The following FER variants were observed in gnomAD, a reference collection of about 807,000 sequenced individuals.
FER encodes the protein FER tyrosine kinase.
Under a neutral mutation model 111.0 loss-of-function variants are expected in FER, and 63 were observed. That is an observed-to-expected ratio of 0.57 (90% CI 0.46 to 0.70). The LOEUF (loss-of-function observed/expected upper bound fraction) is 0.70. FER is among the 30% of genes least tolerant of loss of function. The pLI, the probability that FER is intolerant of heterozygous loss-of-function variation, is 0.00. For missense variants in FER, 914 were observed against 954.0 expected (o/e 0.96, Z 0.55); for synonymous variants, 327 against 313.9 (o/e 1.04, Z -0.44).
At chr5:108,771,396 A>G (rs149588080) in intron 2 of FER, among the ~76,000 whole-genome samples, 1 of 152,208 alleles carries the variant, frequency 6.6e-6, no homozygotes, top group East Asian at 1.9e-4. Flanking sequence ...GCTGAGAGGT[A>G]GTAGTAGAAT....
chr5:108,779,458 T>C (rs1199633152), intron 2 of FER, among the ~76,000 whole-genome samples: 2 of 152,352 alleles, frequency 1.3e-5, no homozygotes, highest in East Asian at 3.9e-4. Flanking sequence ...AGTTCTTTGA[T>C]TTCTTTAATC....
intron 17 of FER, among the ~76,000 whole-genome samples, chr5:109,117,648 T>C (rs1231504701): frequency 6.6e-6 from 1 of 151,992 alleles, no homozygotes; most frequent in Non-Finnish European, 1.5e-5. Flanking sequence ...GAGCATGGAA[T>C]GTTCTTCCAT....
At chr5:108,899,145 A>C (rs998575482) in intron 10 of FER, among the ~76,000 whole-genome samples, 15 of 152,036 alleles carry the variant, frequency 9.9e-5, no homozygotes, top group Non-Finnish European at 1.5e-4. Flanking sequence ...ATGAATATGA[A>C]GTATTTAAAC....
chr5:108,773,381 G>T (rs1404730071), intron 2 of FER, among the ~76,000 whole-genome samples: 1 of 151,988 alleles, frequency 6.6e-6, no homozygotes, highest in Non-Finnish European at 1.5e-5. Context: ...AGTGGGTATT[G>T]TTCCCCTCCC....
At chr5:109,126,001 A>G (rs11951652) in intron 17 of FER, among the ~76,000 whole-genome samples, 1,586 of 151,556 alleles carry the variant, frequency 0.01, 23 homozygotes, top group African/African-American at 0.037. Context: ...CTTCATATCT[A>G]TAGCTGTTTT....
At chr5:109,154,860 A>G (rs1755199752) in intron 17 of FER, among the ~76,000 whole-genome samples, 2 of 151,890 alleles carry the variant, frequency 1.3e-5, no homozygotes, top group Admixed American at 1.3e-4. Flanking sequence ...GACATACGCT[A>G]TAATAACAAA....
intron 13 of FER, among the ~76,000 whole-genome samples, chr5:108,996,725 G>T (rs1230230380): frequency 1.3e-5 from 2 of 152,124 alleles, no homozygotes; most frequent in Non-Finnish European, 1.5e-5. Context: ...TTTTTGCTAG[G>T]ATTGTCTTGG....
At chr5:108,947,718 T>C (rs1005092438) in intron 11 of FER, among the ~76,000 whole-genome samples, 1 of 151,904 alleles carries the variant, frequency 6.6e-6, no homozygotes, top group African/African-American at 2.4e-5. Flanking sequence ...CTTGACTGTG[T>C]GTGCTTTTGG....
chr5:109,072,832 C>G (rs947336832), intron 16 of FER, among the ~76,000 whole-genome samples: 16 of 152,090 alleles, frequency 1.1e-4, no homozygotes, highest in Non-Finnish European at 1.8e-4. Context: ...GCCATGCTCC[C>G]TCCAAAAGCT....
At position 109,181,195 on chromosome 5, in the gene FER, CGTT is replaced by C. The variant is rs944194858; in HGVS notation, c.2203+300_2203+302del. ...TTTGTAATAGATTATACAGAGTAAG[CGTT>C]GTTGTGGCTCTGGACCATTTCTTTC... On this transcript the variant is annotated intron_variant, in intron 18 of 19. Transcript: ENST00000281092. Among the ~76,000 whole-genome samples, 4 of 152,182 alleles carry C rather than the reference CGTT, an allele frequency of 2.6e-5. No individual in the cohort carries two copies. In the East Asian group the frequency reaches 7.7e-4, roughly 29 times the overall value.
intron 5 of FER, among the ~76,000 whole-genome samples, chr5:108,844,996 G>GTATATATATACATATATATATATATATA (rs1761757032): frequency 1.4e-4 from 4 of 29,270 alleles, no homozygotes; most frequent in Non-Finnish European, 2.1e-4. Context: ...GTGTGTGTGT[G>GTATATATATACATATATATATATATATA]TATATATATA....
chr5:108,808,016 A>C (rs1247460459), intron 3 of FER, among the ~76,000 whole-genome samples: 1 of 146,620 alleles, frequency 6.8e-6, no homozygotes, highest in African/African-American at 2.5e-5. Context: ...TTTTTAATTT[A>C]CTGGGACTTG....
chr5:108,795,669 C>T (rs1301777583), intron 2 of FER, among the ~76,000 whole-genome samples: 3 of 152,040 alleles, frequency 2.0e-5, no homozygotes, highest in Non-Finnish European at 4.4e-5. Context: ...TTCTTCAGTG[C>T]GTCAGTTGCA....
intron 2 of FER, among the ~76,000 whole-genome samples, chr5:108,775,060 A>T (rs1342693609): frequency 6.6e-6 from 1 of 151,952 alleles, no homozygotes; most frequent in African/African-American, 2.4e-5. Flanking sequence ...ATCTGAGTTA[A>T]TTTTTTTGTA....
intron 10 of FER, among the ~76,000 whole-genome samples, chr5:108,931,034 CT>C (rs959989008): frequency 2.0e-5 from 3 of 152,080 alleles, no homozygotes; most frequent in African/African-American, 7.2e-5. Context: ...TGAGTAAGAA[CT>C]TTTTATTATT....
chr5:108,778,189 T>C (rs1264271480), intron 2 of FER, among the ~76,000 whole-genome samples: 1 of 152,202 alleles, frequency 6.6e-6, no homozygotes, highest in Non-Finnish European at 1.5e-5. Context: ...ACAGTTCATC[T>C]ATTCACCTAC....
At position 109,120,184 on chromosome 5, in the gene FER, A is replaced by G. The variant is rs370695670; in HGVS notation, c.2048+19665A>G. 3.8e-3 allele frequency among the ~76,000 whole-genome samples: 578 copies of G among 152,118 alleles called. 2 individuals are homozygous for G. The highest frequency in any genetic ancestry group is 6.2e-3 in the Non-Finnish European group (421 of 67,926). ...TGAGGTATTACTGAAGAATCAGCCC[A>G]ATGTCCTGGAGAGTTTCCCCAATGT... On this transcript the variant is annotated intron_variant, in intron 17 of 19. Coordinates refer to ENST00000281092, the MANE Select transcript of FER (RefSeq NM_005246.4).
chr5:108,882,016 A>AATTTAATTTAAAATTTAAAATTTAATT (rs1765728503), intron 8 of FER, among the ~76,000 whole-genome samples: 1 of 152,132 alleles, frequency 6.6e-6, no homozygotes, highest in African/African-American at 2.4e-5. Flanking sequence ...TGTATCTTAG[A>AATTTAATTTAAAATTTAAAATTTAATT]AAAACCTTAT....
chr5:109,083,846 G>A (rs887869014), intron 16 of FER, among the ~76,000 whole-genome samples: 1 of 151,916 alleles, frequency 6.6e-6, no homozygotes, highest in Non-Finnish European at 1.5e-5. Flanking sequence ...CTGTGTGCAG[G>A]TATCCATCTA....
Sources: gnomAD v4.1 joint callset for allele counts (sites outside exome capture counted in the v4.1 genomes callset) on GRCh38, gnomAD v4.1.1 for gene constraint, MANE v1.5 for transcripts, NCBI Gene and HGNC (gene_info 2026-07-23, HGNC 2026-07-21) for gene names.